Variants in CCM2 observed in about 807,000 individuals in gnomAD.
The protein encoded by CCM2 is CCM2 scaffold protein.
In CCM2, 25 loss-of-function variants were observed where a neutral mutation model predicts 44.9. The observed-to-expected ratio is 0.56, with a 90% CI of 0.41 to 0.78. The LOEUF (loss-of-function observed/expected upper bound fraction) is 0.78, where lower values mean the gene tolerates loss of function less well. Among genes scored for constraint, CCM2 ranks in the 30% least tolerant of loss-of-function variants. CCM2 has a pLI of 0.00. For synonymous variants in CCM2, 219 were observed against 241.1 expected (o/e 0.91, Z 0.85); for missense variants, 481 against 580.6 (o/e 0.83, Z 1.76).
At chr7:45,044,796 T>C (rs1353609001) in intron 2 of CCM2, among the ~76,000 whole-genome samples, 2 of 152,212 alleles carry the variant, frequency 1.3e-5, no homozygotes, top group African/African-American at 4.8e-5. Context: ...CATAATACTT[T>C]GTGATTGTTA....
chr7:45,008,951 T>C (rs1795957649), intron 1 of CCM2, among the ~76,000 whole-genome samples: 1 of 152,134 alleles, frequency 6.6e-6, no homozygotes, highest in Non-Finnish European at 1.5e-5. Flanking sequence ...GAAAGAGGTA[T>C]GTGCAGCCTC....
At position 45,076,276 on chromosome 7, in the gene CCM2, A is replaced by G. The variant is rs1429142793; in HGVS notation, c.*219A>G. On this transcript the variant is annotated 3_prime_UTR_variant, in exon 10 of 10. Transcript: ENST00000258781. ...GGGTGGAAGGCTCTTTGCCTTGTCC[A>G]CCAGGGCTCAGCCAAGCCCTGCAGT... 5.5e-6 allele frequency: 4 copies of G among 726,270 alleles called. No individual in the cohort carries two copies. In the Admixed American group the frequency reaches 8.1e-5, roughly 15 times the overall value. The allele number at this position is 726,270 out of a possible 1,614,324, so 45.0% of individuals were successfully genotyped here.
chr7:45,030,785 G>A (rs1400197131), intron 1 of CCM2, among the ~76,000 whole-genome samples: 1 of 152,060 alleles, frequency 6.6e-6, no homozygotes, highest in Non-Finnish European at 1.5e-5. Context: ...GTGCAGTGGC[G>A]TGATCTTGGC....
chr7:45,036,977 ATGG>A (rs2128728207), intron 1 of CCM2, among the ~76,000 whole-genome samples: 1 of 151,968 alleles, frequency 6.6e-6, no homozygotes, highest in South Asian at 2.1e-4. Context: ...TATGGAGGAG[ATGG>A]TGGGGAATAA....
intron 1 of CCM2, among the ~76,000 whole-genome samples, chr7:45,024,751 C>CT (rs1162537152): frequency 6.6e-6 from 1 of 152,188 alleles, no homozygotes; most frequent in Non-Finnish European, 1.5e-5. Context: ...TGATGCTGAT[C>CT]TGAGTCTTAC....
At chr7:45,068,812 G>A (rs974825706) in intron 5 of CCM2, among the ~76,000 whole-genome samples, 17 of 152,022 alleles carry the variant, frequency 1.1e-4, no homozygotes, top group African/African-American at 3.1e-4. Flanking sequence ...GCTCCTCTGC[G>A]CATGACTGCA....
At position 45,027,761 on chromosome 7, in the gene CCM2, A is replaced by C. The variant is rs1001582686; in HGVS notation, c.31-10492A>C. ...AGAATCTCTCCAAAGAAATTCCTCA[A>C]ACAGAATTTCACACAGGGTATTCCA... On this transcript the variant is annotated intron_variant, in intron 1 of 9. Transcript: ENST00000258781. The C allele has an allele frequency of 1.9e-6, 3 of 1,614,066 alleles. No homozygotes were observed. The African/African-American group carries it at 4.0e-5, about 22-fold the overall frequency.
chr7:45,014,430 C>T (rs751477726), intron 1 of CCM2, among the ~76,000 whole-genome samples: 14 of 152,022 alleles, frequency 9.2e-5, no homozygotes, highest in Non-Finnish European at 2.1e-4. Flanking sequence ...TGAACCACCG[C>T]GCCCGGCCTA....
Position 45,076,233 on chromosome 7 carries a change from G to C in CCM2, c.*176G>C, listed in dbSNP as rs1455759821. ...GTGAAGGAGCAGGGAGCTGCCGAGG[G>C]ACACGAGCCTCAGTGCGGGGTGGAA... On this transcript the variant is annotated 3_prime_UTR_variant, in exon 10 of 10. Coordinates refer to ENST00000258781, the MANE Select transcript of CCM2 (RefSeq NM_031443.4). The C allele has an allele frequency of 2.3e-6, 2 of 875,508 alleles. No individual in the cohort carries two copies. Among genetic ancestry groups the C allele is most frequent in the East Asian group, 5.3e-5 (2 of 37,772 alleles). The allele number at this position is 875,508 out of a possible 1,614,324, so 54.2% of individuals were successfully genotyped here.
At chr7:45,064,283 A>G (rs1208745772) in intron 3 of CCM2, among the ~76,000 whole-genome samples, 180 bp from the exon 4 acceptor site, 1 of 152,248 alleles carries the variant, frequency 6.6e-6, no homozygotes, top group South Asian at 2.1e-4. Context: ...GAATCTCCCA[A>G]ATGGTTTGAA....
chr7:45,013,000 T>C (rs78314901), intron 1 of CCM2, among the ~76,000 whole-genome samples: 27 of 152,330 alleles, frequency 1.8e-4, no homozygotes, highest in African/African-American at 6.5e-4. Flanking sequence ...TTTACATAAT[T>C]GATGTCATTA....
intron 1 of CCM2, among the ~76,000 whole-genome samples, chr7:45,004,960 C>A (rs563315054): frequency 6.7e-6 from 1 of 149,662 alleles, no homozygotes; most frequent in Admixed American, 6.7e-5. Context: ...TGTGCCATTG[C>A]GCTCCAGCCT....
At chr7:45,039,769 G>A (rs1201356544) in intron 2 of CCM2, among the ~76,000 whole-genome samples, 1 of 152,202 alleles carries the variant, frequency 6.6e-6, no homozygotes, top group Non-Finnish European at 1.5e-5. Flanking sequence ...GCTCACACCT[G>A]TAATCCCAGC....
At chr7:45,027,767 A>G in intron 1 of CCM2, 3 of 1,614,194 alleles carry the variant, frequency 1.9e-6, no homozygotes, top group Non-Finnish European at 2.5e-6. Flanking sequence ...CTCAAACAGA[A>G]TTTCACACAG....
At chr7:45,036,891 A>C (rs897625571) in intron 1 of CCM2, among the ~76,000 whole-genome samples, 5 of 152,104 alleles carry the variant, frequency 3.3e-5, no homozygotes, top group African/African-American at 1.2e-4. Flanking sequence ...CCATCTGTGC[A>C]CTGGGTCACC....
chr7:45,055,384 A>G (rs73107982), intron 2 of CCM2, among the ~76,000 whole-genome samples: 8,122 of 152,294 alleles, frequency 0.053, 259 homozygotes, highest in African/African-American at 0.079. Flanking sequence ...TATTGTAGTA[A>G]AATATACATA....
At chr7:45,067,188 T>A (rs1457111853) in intron 4 of CCM2, among the ~76,000 whole-genome samples, 1 of 150,778 alleles carries the variant, frequency 6.6e-6, no homozygotes, top group Admixed American at 6.7e-5. Context: ...CATGAGCCAC[T>A]GTGCCCGCCT....
chr7:45,010,836 G>T (rs953143875), intron 1 of CCM2, among the ~76,000 whole-genome samples: 2 of 152,134 alleles, frequency 1.3e-5, no homozygotes, highest in African/African-American at 4.8e-5. Flanking sequence ...GACCTCAGGT[G>T]ATACACTTGC....
intron 1 of CCM2, among the ~76,000 whole-genome samples, chr7:45,015,501 AG>A (rs1796229989): frequency 6.6e-6 from 1 of 151,984 alleles, no homozygotes; most frequent in Non-Finnish European, 1.5e-5. Context: ...GATGAAAGGG[AG>A]GGGGAGGTGA....
Sources: gnomAD v4.1 joint callset for allele counts (sites outside exome capture counted in the v4.1 genomes callset) on GRCh38, gnomAD v4.1.1 for gene constraint, MANE v1.5 for transcripts, NCBI Gene and HGNC (gene_info 2026-07-23, HGNC 2026-07-21) for gene names.